Variants in NEDD4L observed in about 807,000 individuals in gnomAD.
NEDD4L encodes NEDD4 like E3 ubiquitin protein ligase.
Under a neutral mutation model 148.9 loss-of-function variants are expected in NEDD4L, and 54 were observed. The ratio of observed to expected loss-of-function variants is 0.36; its 90% CI spans 0.29 to 0.45. NEDD4L has a LOEUF of 0.45. Among genes scored for constraint, NEDD4L ranks in the 20% least tolerant of loss-of-function variants. The pLI, the probability that NEDD4L is intolerant of heterozygous loss-of-function variation, is 1.00. For synonymous variants in NEDD4L, 433 were observed against 440.7 expected (o/e 0.98, Z 0.22); for missense variants, 856 against 1,233.8 (o/e 0.69, Z 4.59).
intron 11 of NEDD4L, 143 bp downstream of exon 11, chr18:58,331,057 C>G: frequency 1.3e-6 from 1 of 766,788 alleles, no homozygotes; most frequent in South Asian, 2.0e-5. Context: ...TCCTCCTTCC[C>G]TAGGAGAAGC....
intron 1 of NEDD4L, among the ~76,000 whole-genome samples, chr18:58,106,523 G>A (rs2085079693): frequency 6.6e-6 from 1 of 152,146 alleles, no homozygotes. Context: ...AGGGGGGCCG[G>A]TTCCCATACT....
chr18:58,159,082 G>T (rs1482491567), intron 1 of NEDD4L, among the ~76,000 whole-genome samples: 1 of 152,108 alleles, frequency 6.6e-6, no homozygotes, highest in Non-Finnish European at 1.5e-5. Flanking sequence ...ATAAGGTTGT[G>T]GGACCCAACA....
At chr18:58,278,827 A>C (rs2052557254) in intron 5 of NEDD4L, among the ~76,000 whole-genome samples, 1 of 152,164 alleles carries the variant, frequency 6.6e-6, no homozygotes, top group East Asian at 1.9e-4. Context: ...TTCAGAATAA[A>C]ATTGTTCACA....
intron 2 of NEDD4L, among the ~76,000 whole-genome samples, chr18:58,167,304 CTAGGCA>C (rs1194584226): frequency 1.3e-5 from 2 of 152,204 alleles, no homozygotes; most frequent in Non-Finnish European, 2.9e-5. Flanking sequence ...AGCCAGGTCT[CTAGGCA>C]TGGGCAGAAG....
intron 1 of NEDD4L, among the ~76,000 whole-genome samples, chr18:58,108,729 T>C (rs917688958): frequency 6.6e-6 from 1 of 152,234 alleles, no homozygotes; most frequent in African/African-American, 2.4e-5. Flanking sequence ...CCTACTGTTA[T>C]TATTTTAATT....
At chr18:58,337,218 T>C (rs925879623) in intron 13 of NEDD4L, among the ~76,000 whole-genome samples, 11 of 152,208 alleles carry the variant, frequency 7.2e-5, no homozygotes, top group African/African-American at 2.4e-4. Context: ...GGGTGTTTTC[T>C]TTCCACAGGC....
chr18:58,332,533 A>C (rs2041131283), intron 11 of NEDD4L, among the ~76,000 whole-genome samples: 1 of 152,142 alleles, frequency 6.6e-6, no homozygotes, highest in African/African-American at 2.4e-5. Context: ...CTGTAGTTCC[A>C]GTTACTCAGG....
chr18:58,314,060 A>G (rs1353310706), intron 5 of NEDD4L, among the ~76,000 whole-genome samples: 4 of 152,218 alleles, frequency 2.6e-5, no homozygotes, highest in African/African-American at 9.6e-5. Context: ...TTTATGGTCA[A>G]TATTCAGTGA....
At chr18:58,126,531 A>G (rs1223692131) in intron 1 of NEDD4L, among the ~76,000 whole-genome samples, 2 of 152,138 alleles carry the variant, frequency 1.3e-5, no homozygotes, top group Non-Finnish European at 2.9e-5. Context: ...TAAAAAGTCC[A>G]TTCATCAATT....
Position 58,342,923 on chromosome 18 carries a change from C to T in NEDD4L, c.1395C>T (p.Pro465=), listed in dbSNP as rs200556635. Reference sequence around the variant, plus strand: ...TTCTTTAGGGTGCCAAGGACTCACCCGTACGTCGGGCTGTGAAAGACACCC... The same window carrying T: ...TTCTTTAGGGTGCCAAGGACTCACCTGTACGTCGGGCTGTGAAAGACACCC... ...SAPLEGAKDS[P]VRRAVKDTLS... Residue 465 remains proline (P), a synonymous_variant, in exon 16 of 31, where the codon CCC becomes CCT. Transcript: ENST00000400345. 1,336 of 1,610,810 alleles carry T rather than the reference C, an allele frequency of 8.3e-4. 2 individuals carry two copies. Among genetic ancestry groups the T allele is most frequent in the Non-Finnish European group, 1.1e-3 (1,263 of 1,178,494 alleles).
At chr18:58,350,919 A>G in intron 17 of NEDD4L, 72 bp from the exon 18 acceptor site, 2 of 1,202,728 alleles carry the variant, frequency 1.7e-6, no homozygotes, top group Non-Finnish European at 2.4e-6. Flanking sequence ...TAGTTTTTAA[A>G]TGTTGCCTTT....
chr18:58,090,430 G>A (rs1319230115), intron 1 of NEDD4L, among the ~76,000 whole-genome samples: 4 of 152,072 alleles, frequency 2.6e-5, no homozygotes, highest in Non-Finnish European at 4.4e-5. Flanking sequence ...GGTTCCTTCC[G>A]TTTTCTCCGG....
At chr18:58,258,778 A>G (rs1273332680) in intron 5 of NEDD4L, among the ~76,000 whole-genome samples, 1 of 152,178 alleles carries the variant, frequency 6.6e-6, no homozygotes, top group Non-Finnish European at 1.5e-5. Flanking sequence ...AAAAAACAAA[A>G]CCAAAAGTGG....
intron 1 of NEDD4L, among the ~76,000 whole-genome samples, chr18:58,160,016 C>T (rs1169990861): frequency 6.6e-6 from 1 of 152,182 alleles, no homozygotes. Context: ...AGGAGAGTAC[C>T]TGCCATTGTG....
At chr18:58,070,525 C>G (rs4941310) in intron 1 of NEDD4L, among the ~76,000 whole-genome samples, 61,059 of 151,906 alleles carry the variant, frequency 0.4, 15,136 homozygotes, top group African/African-American at 0.71. Context: ...TGTTCCTTGA[C>G]GACTTCAAAA....
chr18:58,361,156 T>A (rs952870739), intron 19 of NEDD4L, among the ~76,000 whole-genome samples: 1 of 152,202 alleles, frequency 6.6e-6, no homozygotes, highest in Non-Finnish European at 1.5e-5. Flanking sequence ...CAAGCCCCTA[T>A]GTCTAGGTCC....
chr18:58,278,878 T>C (rs2052565088), intron 5 of NEDD4L, among the ~76,000 whole-genome samples: 1 of 152,176 alleles, frequency 6.6e-6, no homozygotes, highest in African/African-American at 2.4e-5. Flanking sequence ...TTTTTATTTA[T>C]TTATTTTTTT....
At chr18:58,141,847 T>G (rs1042908708) in intron 1 of NEDD4L, among the ~76,000 whole-genome samples, 2 of 152,146 alleles carry the variant, frequency 1.3e-5, no homozygotes, top group Admixed American at 1.3e-4. Flanking sequence ...CTGTGGTTCA[T>G]AAGCCTGGCT....
At chr18:58,383,456 T>C (rs2048603323) in intron 25 of NEDD4L, 137 bp downstream of exon 25, 5 of 606,236 alleles carry the variant, frequency 8.2e-6, no homozygotes, top group Non-Finnish European at 1.5e-5. Flanking sequence ...TAAGTTCTTT[T>C]CTGGCTTGGG....
Sources: gnomAD v4.1 joint callset for allele counts (sites outside exome capture counted in the v4.1 genomes callset) on GRCh38, gnomAD v4.1.1 for gene constraint, MANE v1.5 for transcripts, NCBI Gene and HGNC (gene_info 2026-07-23, HGNC 2026-07-21) for gene names.